The following CLASP1 variants were observed in gnomAD, a reference collection of about 807,000 sequenced individuals.
CLASP1 encodes the protein CLIP-associating protein 1.
In CLASP1, 38 loss-of-function variants were observed where a neutral mutation model predicts 192.3. The observed-to-expected ratio is 0.20, with a 90% CI of 0.15 to 0.26. The LOEUF is 0.26. Ranked by LOEUF, CLASP1 falls within the 10% of genes least tolerant of loss-of-function variation. The probability of loss-of-function intolerance (pLI) is 1.00; values close to 1 mark genes in which losing one functional copy is unlikely to be tolerated. For missense variants in CLASP1, 1,433 were observed against 1,932.5 expected (o/e 0.74, Z 4.85); for synonymous variants, 691 against 712.8 (o/e 0.97, Z 0.49).
Position 121,423,495 on chromosome 2 carries a change from GA to G in CLASP1, c.2212+1643del, listed in dbSNP as rs975792643. Among the ~76,000 whole-genome samples, 30 of 151,576 alleles carry G rather than the reference GA, an allele frequency of 2.0e-4. 1 individual carries two copies. The highest frequency in any genetic ancestry group is 6.0e-4 in the African/African-American group (25 of 41,372). ...AATGGCATCTTTAATAATATAAAAG[GA>G]AAAAAAATCTCAAAACAGAAAAGAA... On this transcript the variant is annotated intron_variant, in intron 22 of 39. Transcript: ENST00000263710.
chr2:121,398,520 A>C (rs1197387579), intron 28 of CLASP1, 120 bp from the exon 30 acceptor site: 2 of 663,166 alleles, frequency 3.0e-6, no homozygotes, highest in Non-Finnish European at 5.1e-6. Flanking sequence ...TCACATTTTT[A>C]ATAAATAGTG....
chr2:121,376,535 G>A (rs1327280635), intron 34 of CLASP1, among the ~76,000 whole-genome samples: 1 of 150,524 alleles, frequency 6.6e-6, no homozygotes, highest in Non-Finnish European at 1.5e-5. Flanking sequence ...GTGGGGGGGG[G>A]GTCGGGGAGG....
intron 2 of CLASP1, among the ~76,000 whole-genome samples, chr2:121,532,133 G>A (rs902434299): frequency 6.6e-6 from 1 of 152,156 alleles, no homozygotes; most frequent in African/African-American, 2.4e-5. Context: ...ATTCAGCTTT[G>A]AAATCTACTG....
chr2:121,577,477 A>G (rs2060637538), intron 2 of CLASP1, among the ~76,000 whole-genome samples: 2 of 152,208 alleles, frequency 1.3e-5, no homozygotes, highest in South Asian at 4.1e-4. Flanking sequence ...AACAGGCTAT[A>G]GAATAGCATA....
chr2:121,459,311 T>C (rs2087379260), intron 12 of CLASP1, among the ~76,000 whole-genome samples: 2 of 152,146 alleles, frequency 1.3e-5, no homozygotes, highest in African/African-American at 4.8e-5. Flanking sequence ...TCCAGGCACA[T>C]ACCAGCCCAC....
intron 1 of CLASP1, among the ~76,000 whole-genome samples, chr2:121,617,451 C>G (rs1461004830): frequency 6.6e-6 from 1 of 152,190 alleles, no homozygotes; most frequent in African/African-American, 2.4e-5. Context: ...AAGCCGTTGT[C>G]TACACCAGCC....
chr2:121,525,896 T>C, exon 6 of CLASP1: 2 of 1,613,510 alleles, frequency 1.2e-6, no homozygotes, highest in South Asian at 1.1e-5. Context: ...CAATCTTGCT[T>C]AGTGTTAAAG....
intron 24 of CLASP1, among the ~76,000 whole-genome samples, chr2:121,409,603 T>G: frequency 6.6e-6 from 1 of 152,196 alleles, no homozygotes; most frequent in Non-Finnish European, 1.5e-5. Flanking sequence ...ATGCAGTTCT[T>G]TAAAGAACTA....
At chr2:121,588,218 C>T (rs1194119614) in intron 2 of CLASP1, among the ~76,000 whole-genome samples, 1 of 144,596 alleles carries the variant, frequency 6.9e-6, no homozygotes, top group East Asian at 2.1e-4. Context: ...ACCAGTTTAA[C>T]TCCCATTCCC....
intron 20 of CLASP1, among the ~76,000 whole-genome samples, chr2:121,429,402 A>G (rs894708994): frequency 6.6e-6 from 1 of 152,162 alleles, no homozygotes; most frequent in African/African-American, 2.4e-5. Context: ...CATAGAGAGG[A>G]GGCGGGCCCC....
chr2:121,537,569 G>T (rs2095123699), intron 2 of CLASP1, among the ~76,000 whole-genome samples: 1 of 152,104 alleles, frequency 6.6e-6, no homozygotes, highest in African/African-American at 2.4e-5. Flanking sequence ...TTGTTTAAAA[G>T]ATGAAAATTA....
At chr2:121,363,804 G>C (rs1573820355) in intron 36 of CLASP1, among the ~76,000 whole-genome samples, 1 of 152,256 alleles carries the variant, frequency 6.6e-6, no homozygotes, top group East Asian at 1.9e-4. Flanking sequence ...GAGATCACTG[G>C]GTGTGTACAG....
chr2:121,539,170 T>C (rs2095170982), intron 2 of CLASP1, among the ~76,000 whole-genome samples: 2 of 152,150 alleles, frequency 1.3e-5, no homozygotes, highest in South Asian at 4.1e-4. Flanking sequence ...ACTAAATAAG[T>C]TGATTCCAAA....
intron 30 of CLASP1, among the ~76,000 whole-genome samples, chr2:121,393,959 G>A (rs1391259568): frequency 6.6e-6 from 1 of 151,832 alleles, no homozygotes; most frequent in African/African-American, 2.4e-5. Context: ...GCATAGATAG[G>A]TAAAAAAGCG....
At chr2:121,397,308 A>AT (rs1253297849) in intron 29 of CLASP1, 25 bp from the exon 31 acceptor site, 1 of 1,602,602 alleles carries the variant, frequency 6.2e-7, no homozygotes, top group Admixed American at 1.7e-5. Context: ...AATTATAAAC[A>AT]TTAAGTACAC....
chr2:121,608,296 G>A (rs1230652518), intron 1 of CLASP1, among the ~76,000 whole-genome samples: 4 of 152,132 alleles, frequency 2.6e-5, no homozygotes, highest in Admixed American at 6.5e-5. Context: ...CCAGGTTGGT[G>A]GTATATTAAA....
chr2:121,403,804 G>T (rs1388837793), intron 26 of CLASP1: 9 of 465,072 alleles, frequency 1.9e-5, no homozygotes, highest in South Asian at 3.1e-5. Flanking sequence ...CATTCCTTGG[G>T]CTTAGTGTTC....
intron 16 of CLASP1, among the ~76,000 whole-genome samples, chr2:121,449,714 T>C (rs1257299966): frequency 6.6e-6 from 1 of 152,194 alleles, no homozygotes; most frequent in Non-Finnish European, 1.5e-5. Context: ...TCACTTATTT[T>C]GGTAGAAACT....
At chr2:121,473,200 T>A (rs926204629) in intron 8 of CLASP1, among the ~76,000 whole-genome samples, 1 of 152,132 alleles carries the variant, frequency 6.6e-6, no homozygotes, top group Non-Finnish European at 1.5e-5. Flanking sequence ...ACATTAAACT[T>A]CTATTATAAC....
Sources: allele counts gnomAD v4.1 joint callset (sites outside exome capture counted in the v4.1 genomes callset), GRCh38; gene constraint gnomAD v4.1.1; transcripts MANE v1.5; gene names NCBI Gene and HGNC (gene_info 2026-07-23, HGNC 2026-07-21).